The following BRF1 variants were observed in gnomAD, a reference collection of about 807,000 sequenced individuals.
BRF1 encodes the protein transcription factor IIIB 90 kDa subunit.
In BRF1, 59 loss-of-function variants were observed where a neutral mutation model predicts 81.7. The ratio of observed to expected loss-of-function variants is 0.72; its 90% CI spans 0.59 to 0.90. The LOEUF (loss-of-function observed/expected upper bound fraction) is 0.90. BRF1 is among the 40% of genes least tolerant of loss of function. BRF1 has a pLI of 0.00. For synonymous variants in BRF1, 491 were observed against 395.6 expected, an observed-to-expected ratio of 1.24 and a Z score of -2.86; for missense variants, 1,050 against 936.3, an observed-to-expected ratio of 1.12 and a Z score of -1.58.
chr14:105,250,574 T>C (rs2055547042), intron 5 of BRF1: 1 of 1,613,998 alleles, frequency 6.2e-7, no homozygotes, highest in South Asian at 1.1e-5. Context: ...GGAAGTGCAG[T>C]GTGGAAAGGT....
rs116101636 is a variant in BRF1, at chr14:105,224,915, C to T, written c.1048+1154G>A. Among the ~76,000 whole-genome samples the T allele has an allele frequency of 7.8e-3, 1,194 of 152,338 alleles. 16 individuals carry two copies. Among genetic ancestry groups the T allele is most frequent in the African/African-American group, 0.027 (1,130 of 41,570 alleles). ...AAGATTCCTGGCTAGCACTGAGTCCCGGAGGGGTCCCCATGGTGAGGAATG... is the reference window on the plus strand; with the variant it reads ...AAGATTCCTGGCTAGCACTGAGTCCTGGAGGGGTCCCCATGGTGAGGAATG... On this transcript the variant is annotated intron_variant, in intron 10 of 17. Coordinates refer to ENST00000547530, the MANE Select transcript of BRF1 (RefSeq NM_001519.4).
chr14:105,292,829 C>A (rs2057575457), intron 1 of BRF1, among the ~76,000 whole-genome samples: 1 of 152,000 alleles, frequency 6.6e-6, no homozygotes, highest in African/African-American at 2.4e-5. Context: ...CCAGGAGCAA[C>A]CCTTTCCCAG....
chr14:105,210,601 A>G lies in BRF1; in HGVS notation c.1997-13T>C. On this transcript the variant is annotated splice_polypyrimidine_tract_variant and intron_variant, in intron 17 of 17. Coordinates refer to ENST00000547530, the MANE Select transcript of BRF1 (RefSeq NM_001519.4). The surrounding 1 kb of genome is among the most constrained non-coding windows in gnomAD (Gnocchi z 4.7). ...TCACAGCCATAGTCTGCAGAAGAGC[A>G]CAGTCATGAAGCCCAGGGTCTCTGT... The G allele has an allele frequency of 1.2e-6, 2 of 1,611,084 alleles. No homozygotes were observed. Among genetic ancestry groups the G allele is most frequent in the Non-Finnish European group, 1.7e-6 (2 of 1,179,780 alleles).
chr14:105,247,492 T>C, intron 5 of BRF1: 1 of 985,360 alleles, frequency 1.0e-6, no homozygotes, highest in East Asian at 1.1e-4. Context: ...GACTTGTAGT[T>C]GCTCCTCCAT....
intron 6 of BRF1, among the ~76,000 whole-genome samples, chr14:105,229,246 C>A (rs12431709): frequency 6.6e-6 from 1 of 152,172 alleles, no homozygotes; most frequent in African/African-American, 2.4e-5. Flanking sequence ...GAGCTGGGGA[C>A]TCTGAGGATG....
intron 5 of BRF1, chr14:105,247,604 C>T: frequency 7.1e-6 from 7 of 985,436 alleles, no homozygotes; most frequent in Non-Finnish European, 8.4e-6. Context: ...CACAGAGCTC[C>T]TGTTCACTGT....
At chr14:105,229,532 A>C (rs996390899) in intron 6 of BRF1, among the ~76,000 whole-genome samples, 7 of 152,212 alleles carry the variant, frequency 4.6e-5, no homozygotes, top group African/African-American at 1.7e-4. Flanking sequence ...GTAGTTGACC[A>C]GGCCACGGCC....
At chr14:105,247,949 T>A in intron 5 of BRF1, 1 of 985,456 alleles carries the variant, frequency 1.0e-6, no homozygotes, top group Non-Finnish European at 1.2e-6. Flanking sequence ...AGCCTGCGAC[T>A]GCGATCCACA....
At chr14:105,241,731 C>G (rs2054667442) in intron 5 of BRF1, 1 of 421,126 alleles carries the variant, frequency 2.4e-6, no homozygotes, top group African/African-American at 2.0e-5. Context: ...TCCCTCCAGA[C>G]CATGCAGACA....
In BRF1 at chr14:105,219,286, T is replaced by C. The variant is rs1170303933; in HGVS notation, c.1378-54A>G. ...CTTTTAGCCTTCGCACACCGGGGCATGCTAAGGTCGCGCTGGCCAGCGGGA... is the reference window on the plus strand; with the variant it reads ...CTTTTAGCCTTCGCACACCGGGGCACGCTAAGGTCGCGCTGGCCAGCGGGA... On this transcript the variant is annotated intron_variant, in intron 12 of 17. Transcript: ENST00000547530. 5.0e-6 allele frequency: 8 copies of C among 1,599,878 alleles called. No individual in the cohort carries two copies. In the African/African-American group the frequency reaches 5.4e-5, roughly 11 times the overall value.
chr14:105,222,818 C>T (rs587666911), intron 10 of BRF1, among the ~76,000 whole-genome samples: 4 of 152,158 alleles, frequency 2.6e-5, no homozygotes, highest in South Asian at 4.2e-4. Context: ...TTAGAAGAGA[C>T]GGGGTTTCAC....
chr14:105,219,795 C>T (rs587754911), intron 12 of BRF1: 9 of 543,628 alleles, frequency 1.7e-5, no homozygotes, highest in African/African-American at 1.3e-4. Context: ...GCTATTTGTG[C>T]GATGTGTGCC....
chr14:105,229,404 A>C (rs11844498), intron 6 of BRF1, among the ~76,000 whole-genome samples: 1 of 152,158 alleles, frequency 6.6e-6, no homozygotes, highest in African/African-American at 2.4e-5. Context: ...TGAATCCTGC[A>C]GCGCAGGGAT....
chr14:105,210,655 C>A lies in BRF1; in HGVS notation c.1997-67G>T. On this transcript the variant is annotated intron_variant, in intron 17 of 17. Transcript: ENST00000547530. This position sits in a 1 kb window ranked among gnomAD's most constrained non-coding sequence, Gnocchi z 4.7. ...ACCCAGGAGCCCAGACCCCCCAACC[C>A]GCCCTGTTCCTGGTGCCCCCCTAGA... 6.4e-7 allele frequency: 1 copy of A among 1,561,326 alleles called. No individual in the cohort carries two copies. The highest frequency in any genetic ancestry group is 8.7e-7 in the Non-Finnish European group (1 of 1,147,284).
chr14:105,221,665 G>C lies in BRF1; in HGVS notation c.1298C>G (p.Ser433Cys). 6.2e-7 allele frequency: 1 copy of C among 1,611,394 alleles called. No homozygotes were observed. The highest frequency in any genetic ancestry group is 8.5e-7 in the Non-Finnish European group (1 of 1,179,848). ...GAACTCACTGGGGTCGCTGCTCTGAGAGGAGATGCATTCGCGGATGGAGTC... is the reference window on the plus strand; with the variant it reads ...GAACTCACTGGGGTCGCTGCTCTGACAGGAGATGCATTCGCGGATGGAGTC... ...ISDSIRECIS[S>C]QSSDPKDASG... Residue 433 changes from serine (S) to cysteine (C), a missense_variant, in exon 11 of 18, where the codon TCT (serine) becomes TGT (cysteine). Physicochemically the swap from Ser to Cys is moderately radical, Grantham distance 112 (BLOSUM62 -1). This residue lies in a region of BRF1 where 1,043 missense variants were observed against 915.4 expected (regional missense o/e 1.14). Coordinates refer to ENST00000547530, the MANE Select transcript of BRF1 (RefSeq NM_001519.4).
rs1890216504 is a variant in BRF1 at position 105,212,127 on chromosome 14, C to T, written c.1810G>A (p.Val604Met). 6.2e-7 allele frequency: 1 copy of T among 1,612,922 alleles called. No homozygotes were observed. The highest frequency in any genetic ancestry group is 8.5e-7 in the Non-Finnish European group (1 of 1,179,766). ...GGACAACACACCTCTCCCGTGGCCA[C>T]CTTCTTTGCTGGCTGCGTAGACACC... The part of the protein sequence containing the change: ...PLVSTQPAKK[V>M]ATGEALLPSS... The change falls in exon 16 of 18, where the codon GTG (valine) becomes ATG (methionine). Residue 604 changes from valine to methionine, a missense_variant. Val to Met is a conservative substitution (Grantham distance 21). Coordinates refer to ENST00000547530, the MANE Select transcript of BRF1 (RefSeq NM_001519.4).
Position 105,248,576 on chromosome 14 carries a change from G to GGCGGGCGA in BRF1, c.544+3930_544+3931insTCGCCCGC, listed in dbSNP as rs1555384295. On this transcript the variant is annotated intron_variant, in intron 5 of 17. Transcript: ENST00000547530. Reference sequence around the variant, plus strand: ...GCCGCGGCGGGTACGGGCTCGGGCGGGCGGGCGGGCGGGACGGCGCCCCCC... The same window carrying GGCGGGCGA: ...GCCGCGGCGGGTACGGGCTCGGGCGGGCGGGCGAGCGGGCGGGCGGGACGGCGCCCCCC... The GGCGGGCGA allele has an allele frequency of 1.9e-5, 17 of 913,598 alleles. No individual in the cohort carries two copies. In the South Asian group the frequency reaches 5.0e-4, roughly 27 times the overall value. 56.6% of individuals were successfully genotyped at this position (913,598 alleles called of 1,614,324 possible).
chr14:105,291,149 C>G (rs78190594), intron 1 of BRF1, among the ~76,000 whole-genome samples: 60 of 152,224 alleles, frequency 3.9e-4, no homozygotes, highest in Non-Finnish European at 6.3e-4. Flanking sequence ...AGACTGCCCC[C>G]CTGTGTACAG....
chr14:105,210,334 TCA>T lies in BRF1; in HGVS notation c.*215_*216del, dbSNP rs1889921548. On this transcript the variant is annotated 3_prime_UTR_variant, in exon 18 of 18. Transcript: ENST00000547530. This position sits in a 1 kb window ranked among gnomAD's most constrained non-coding sequence, Gnocchi z 4.7. ...CTGCACACACCCGGCCCACATCTGA[TCA>T]CACACATGCAGACGCTTGGTCCGGT... The T allele has an allele frequency of 1.7e-6, 1 of 586,498 alleles. No individual in the cohort carries two copies. The highest frequency in any genetic ancestry group is 2.9e-5 in the East Asian group (1 of 34,128). The allele number at this position is 586,498 out of a possible 1,614,324, so 36.3% of individuals were successfully genotyped here. A position where few individuals can be genotyped will look rare whatever the true frequency, so the allele number is the denominator to read the frequency against.
Sources: gnomAD v4.1 joint callset for allele counts (sites outside exome capture counted in the v4.1 genomes callset) on GRCh38, gnomAD v4.1.1 for gene constraint, gnomAD v4.1.1 regional missense constraint, Gnocchi (gnomAD v3.1) non-coding constraint, MANE v1.5 for transcripts, NCBI Gene and HGNC (gene_info 2026-07-23, HGNC 2026-07-21) for gene names.